The following CHEK1 variants were observed in gnomAD, a reference collection of about 807,000 sequenced individuals.
CHEK1 encodes checkpoint kinase 1.
In CHEK1, 32 loss-of-function variants were observed where a neutral mutation model predicts 60.2. The ratio of observed to expected loss-of-function variants is 0.53; its 90% CI spans 0.40 to 0.71. The LOEUF (loss-of-function observed/expected upper bound fraction) is 0.71. Among genes scored for constraint, CHEK1 ranks in the 30% least tolerant of loss-of-function variants. CHEK1 has a pLI of 0.00. For synonymous variants in CHEK1, 179 were observed against 187.2 expected, an observed-to-expected ratio of 0.96 and a Z score of 0.36; for missense variants, 399 against 564.6, an observed-to-expected ratio of 0.71 and a Z score of 2.97.
intron 8 of CHEK1, 68 bp downstream of exon 8, chr11:125,637,612 C>A: frequency 9.6e-7 from 1 of 1,044,054 alleles, no homozygotes; most frequent in Non-Finnish European, 1.4e-6. Context: ...AAGTTATTAT[C>A]ACAAGTCAAC....
rs1333597593 is a variant in CHEK1, at chr11:125,672,683, C to T, written c.*28-3245C>T. ...AGAGGTTCATAGATGGGCACATGTT[C>T]TCACACCCTTGAACCATGAATTGGA... On this transcript the variant is annotated intron_variant, in intron 13 of 13. Transcript: ENST00000428830. The T allele has an allele frequency of 3.7e-6, 6 of 1,614,062 alleles. No individual in the cohort carries two copies. In the African/African-American group the frequency reaches 4.0e-5, roughly 11 times the overall value.
chr11:125,679,647 T>G (rs1942706238), downstream of CHEK1, among the ~76,000 whole-genome samples: 2 of 152,228 alleles, frequency 1.3e-5, no homozygotes, highest in Admixed American at 6.5e-5. Context: ...ACAAGTAGAC[T>G]ACAACAACCA....
downstream of CHEK1, among the ~76,000 whole-genome samples, chr11:125,661,660 T>C (rs1446827428): frequency 1.3e-5 from 2 of 152,156 alleles, no homozygotes; most frequent in African/African-American, 4.8e-5. Flanking sequence ...CTCTCCTAAT[T>C]TGGAATCTAT....
intron 6 of CHEK1, among the ~76,000 whole-genome samples, chr11:125,634,761 A>G (rs1941001040): frequency 6.6e-6 from 1 of 152,186 alleles, no homozygotes; most frequent in Non-Finnish European, 1.5e-5. Context: ...CCATTGCATT[A>G]TGAGTTAGGA....
rs1469921398 is a variant in CHEK1 at position 125,637,530 on chromosome 11, A to G, written c.800A>G (p.Lys267Arg). ...ATCAAAAAAGATAGATGGTACAACA[A>G]ACCCCTCAAGAAAGGTAATATCCTT... ...PDIKKDRWYN[K>R]PLKKGAKRPR... The change falls in exon 8 of 13, where the codon AAA becomes AGA. Residue 267 changes from lysine (K) to arginine (R), a missense_variant. By Grantham distance (26) the Lys-to-Arg change is conservative. Coordinates refer to ENST00000438015, the MANE Select transcript of CHEK1 (RefSeq NM_001114122.3). 5 of 1,609,620 alleles carry G rather than the reference A, an allele frequency of 3.1e-6. No homozygotes were observed. Among genetic ancestry groups the G allele is most frequent in the Non-Finnish European group, 4.2e-6 (5 of 1,177,630 alleles).
intron 12 of CHEK1, among the ~76,000 whole-genome samples, chr11:125,654,221 T>A (rs1254034320): frequency 6.6e-6 from 1 of 152,048 alleles, no homozygotes; most frequent in African/African-American, 2.4e-5. Context: ...TCCCAGCTAC[T>A]TGGGAGGCTG....
chr11:125,636,454 A>G (rs1296204453), intron 7 of CHEK1, among the ~76,000 whole-genome samples: 1 of 152,272 alleles, frequency 6.6e-6, no homozygotes, highest in East Asian at 1.9e-4. Flanking sequence ...TAAATTGTTC[A>G]TTGAAATCCC....
Position 125,655,399 on chromosome 11 carries a change from T to G in CHEK1, c.*79T>G, listed in dbSNP as rs952890763. 2.5e-5 allele frequency: 25 copies of G among 992,732 alleles called. No homozygotes were observed. Among genetic ancestry groups the G allele is most frequent in the Admixed American group, 9.6e-5 (4 of 41,884 alleles). 61.5% of individuals were successfully genotyped at this position (992,732 alleles called of 1,614,324 possible). On this transcript the variant is annotated 3_prime_UTR_variant, in exon 13 of 13. Coordinates refer to ENST00000438015, the MANE Select transcript of CHEK1 (RefSeq NM_001114122.3). ...TTATTCTTCCTAGAGAAGATTATCC[T>G]GTCCTGCAAACTGCAAATAGTAGTT...
At chr11:125,643,649 CTT>C in intron 8 of CHEK1, 141 bp from the exon 9 acceptor site, 1 of 594,610 alleles carries the variant, frequency 1.7e-6, no homozygotes, top group Non-Finnish European at 2.9e-6. Flanking sequence ...TATAGGAAGA[CTT>C]TGTTTTATAT....
At chr11:125,629,325 C>T (rs1198578264) in intron 4 of CHEK1, 29 bp downstream of exon 4, 2 of 1,613,570 alleles carry the variant, frequency 1.2e-6, no homozygotes, top group Non-Finnish European at 1.7e-6. Context: ...TTCCCTTTTA[C>T]TTAAAATTAG....
At chr11:125,655,090 C>A in intron 12 of CHEK1, 135 bp from the exon 13 acceptor site, 1 of 631,406 alleles carries the variant, frequency 1.6e-6, no homozygotes, top group Non-Finnish European at 2.7e-6. Flanking sequence ...CATAAACAGA[C>A]CGAAAAGAAA....
chr11:125,649,748 C>T (rs1211673162), intron 11 of CHEK1: 5 of 154,230 alleles, frequency 3.2e-5, no homozygotes, highest in African/African-American at 9.7e-5. Context: ...AAAAAAAAAT[C>T]GCTTCTTAGC....
intron 11 of CHEK1, among the ~76,000 whole-genome samples, chr11:125,645,921 T>C (rs755904591): frequency 9.9e-5 from 15 of 152,152 alleles, no homozygotes; most frequent in Non-Finnish European, 1.8e-4. Context: ...AGCCTGATAG[T>C]CTTCTCACTC....
downstream of CHEK1, among the ~76,000 whole-genome samples, chr11:125,659,122 A>T (rs1436654944): frequency 6.6e-6 from 1 of 151,634 alleles, no homozygotes. Context: ...AAAGATCATT[A>T]TTTTTTTTCA....
At chr11:125,638,850 T>TA (rs1055400308) in intron 8 of CHEK1, among the ~76,000 whole-genome samples, 2 of 152,202 alleles carry the variant, frequency 1.3e-5, no homozygotes, top group African/African-American at 4.8e-5. Flanking sequence ...ATCCTCCTGA[T>TA]ATCCTGACTT....
downstream of CHEK1, among the ~76,000 whole-genome samples, chr11:125,659,347 C>T (rs1238761699): frequency 1.3e-5 from 2 of 151,470 alleles, no homozygotes; most frequent in Non-Finnish European, 2.9e-5. Flanking sequence ...TTTCTTAAGT[C>T]TAGATTTGTG....
chr11:125,635,698 CT>C (rs1488873593), intron 7 of CHEK1, 165 bp downstream of exon 7: 2 of 453,218 alleles, frequency 4.4e-6, no homozygotes, highest in Non-Finnish European at 7.8e-6. Flanking sequence ...AAAAATAACT[CT>C]TTAGTCCCAG....
intron 13 of CHEK1, chr11:125,672,071 G>A (rs887550876): frequency 4.6e-5 from 7 of 152,298 alleles, no homozygotes; most frequent in Admixed American, 2.6e-4. Context: ...GAAGAGTTGA[G>A]TTTTTGTATG....
intron 8 of CHEK1, among the ~76,000 whole-genome samples, chr11:125,639,467 G>A (rs1408878152): frequency 1.4e-5 from 2 of 145,688 alleles, no homozygotes; most frequent in African/African-American, 2.6e-5. Flanking sequence ...TGCCTCTCAG[G>A]TTCAAGCGAT....
Sources: allele counts gnomAD v4.1 joint callset (sites outside exome capture counted in the v4.1 genomes callset), GRCh38; gene constraint gnomAD v4.1.1; transcripts MANE v1.5; gene names NCBI Gene and HGNC (gene_info 2026-07-23, HGNC 2026-07-21).